CDR2: variants seen among roughly 807,000 people sequenced by gnomAD.
CDR2 encodes the protein cerebellar degeneration-related protein 2.
A neutral mutation model predicts 48.4 loss-of-function variants in CDR2; 34 were observed. The observed-to-expected ratio is 0.70, with a 90% CI of 0.53 to 0.94. The LOEUF is 0.94. Ranked by LOEUF, CDR2 falls within the 40% of genes least tolerant of loss-of-function variation. The pLI, the probability that CDR2 is intolerant of heterozygous loss-of-function variation, is 0.00. For synonymous variants in CDR2, 240 were observed against 219.7 expected (o/e 1.09, Z -0.82); for missense variants, 498 against 549.5 (o/e 0.91, Z 0.94).
Position 22,347,685 on chromosome 16 carries a change from C to A in CDR2, c.645G>T (p.Lys215Asn), listed in dbSNP as rs772671638. Residue 215 changes from lysine to asparagine, a missense_variant, in exon 5 of 5, where the codon AAG (lysine) becomes AAT (asparagine). By Grantham distance (94) the Lys-to-Asn change is moderately conservative. Coordinates refer to ENST00000268383, the MANE Select transcript of CDR2 (RefSeq NM_001802.2). ...LQAQLSLERQ[K>N]RVTMEEEYGL... Reference sequence around the variant, plus strand: ...CATATTCCTCCTCCATAGTCACCCGCTTCTGCCGCTCCAGGCTCAGCTGGG... The same window carrying A: ...CATATTCCTCCTCCATAGTCACCCGATTCTGCCGCTCCAGGCTCAGCTGGG... The A allele has an allele frequency of 6.2e-7, 1 of 1,614,096 alleles. No individual in the cohort carries two copies. Among genetic ancestry groups the A allele is most frequent in the Admixed American group, 1.7e-5 (1 of 60,002 alleles).
At chr16:22,361,846 C>T (rs926565802) in intron 2 of CDR2, among the ~76,000 whole-genome samples, 4 of 151,230 alleles carry the variant, frequency 2.6e-5, no homozygotes, top group African/African-American at 9.7e-5. Flanking sequence ...ATATGTTTCC[C>T]GAAATATTCC....
Position 22,347,149 on chromosome 16 carries a change from G to A in CDR2, c.1181C>T (p.Ala394Val), listed in dbSNP as rs1442960083. 30 of 1,614,116 alleles carry A rather than the reference G, an allele frequency of 1.9e-5. No individual in the cohort carries two copies. The highest frequency in any genetic ancestry group is 2.5e-5 in the Non-Finnish European group (29 of 1,180,022). The change falls in exon 5 of 5, where the codon GCC (alanine) becomes GTC (valine). Residue 394 changes from alanine (A) to valine (V), a missense_variant. By Grantham distance (64) the Ala-to-Val change is moderately conservative. Transcript: ENST00000268383. ...GCCGCTGGCAACAGGCTCAGACTGGGCGTTCACTCCAGTCAGGTCCTTGGC... is the reference window on the plus strand; with the variant it reads ...GCCGCTGGCAACAGGCTCAGACTGGACGTTCACTCCAGTCAGGTCCTTGGC... ...AAAKDLTGVN[A>V]QSEPVASGWE...
At chr16:22,364,221 G>A (rs1299578138) in intron 2 of CDR2, among the ~76,000 whole-genome samples, 1 of 152,030 alleles carries the variant, frequency 6.6e-6, no homozygotes, top group Non-Finnish European at 1.5e-5. Context: ...GAGATTATAG[G>A]CATAAGCCAC....
chr16:22,373,828 GC>G (rs1047979391), intron 1 of CDR2, among the ~76,000 whole-genome samples: 1 of 152,252 alleles, frequency 6.6e-6, no homozygotes, highest in African/African-American at 2.4e-5. Context: ...CTCCACGCTG[GC>G]CATGAAAGGC....
Position 22,367,500 on chromosome 16 carries a change from G to C in CDR2, c.80-2486C>G, listed in dbSNP as rs368263817. Among the ~76,000 whole-genome samples the C allele has an allele frequency of 4.6e-5, 7 of 152,210 alleles. No homozygotes were observed. The East Asian group carries it at 1.2e-3, about 25-fold the overall frequency. On this transcript the variant is annotated intron_variant, in intron 1 of 4. Transcript: ENST00000268383. ...ATATAGGATTTTATAGCCCATGGTA[G>C]GTAAAGTTTAAATTTTATTCTAGGT...
chr16:22,364,084 C>A (rs2049028743), intron 2 of CDR2, among the ~76,000 whole-genome samples: 1 of 152,188 alleles, frequency 6.6e-6, no homozygotes, highest in Non-Finnish European at 1.5e-5. Context: ...GGACTACAGG[C>A]ACACGCCACC....
At chr16:22,372,244 G>A (rs2141856420) in intron 1 of CDR2, among the ~76,000 whole-genome samples, 2 of 152,242 alleles carry the variant, frequency 1.3e-5, no homozygotes, top group Middle Eastern at 3.4e-3. Context: ...AGAATTCCTC[G>A]TGTAACCCTG....
chr16:22,366,051 G>A (rs1036468167), intron 1 of CDR2, among the ~76,000 whole-genome samples: 3 of 152,168 alleles, frequency 2.0e-5, no homozygotes, highest in African/African-American at 4.8e-5. Context: ...GTTGCAATAC[G>A]CACGCAAAGT....
intron 2 of CDR2, among the ~76,000 whole-genome samples, chr16:22,364,491 C>T (rs895367401): frequency 6.6e-6 from 1 of 151,908 alleles, no homozygotes; most frequent in African/African-American, 2.4e-5. Flanking sequence ...TGTGGGCAGT[C>T]TTCTTTTTTA....
Position 22,349,350 on chromosome 16 carries a change from G to A in CDR2, c.435C>T (p.Ser145=), listed in dbSNP as rs1457699322. The change falls in exon 4 of 5, where the codon AGC becomes AGT. Residue 145 remains serine (S), a synonymous_variant. Coordinates refer to ENST00000268383, the MANE Select transcript of CDR2 (RefSeq NM_001802.2). The part of the protein sequence containing the change: ...ELKSSGQGRR[S]PGKCDQEKPA... ...GTTTCTCCTGGTCACACTTTCCCGG[G>A]CTCCTTCTCCCTTGGCCAGATGACT... The A allele has an allele frequency of 6.2e-7, 1 of 1,614,118 alleles. No homozygotes were observed. Among genetic ancestry groups the A allele is most frequent in the Admixed American group, 1.7e-5 (1 of 60,012 alleles).
chr16:22,355,716 A>AT (rs898742675), intron 2 of CDR2, among the ~76,000 whole-genome samples: 2 of 152,216 alleles, frequency 1.3e-5, no homozygotes, highest in Admixed American at 6.5e-5. Context: ...TTTAGCCAGC[A>AT]TAAGGGACTT....
chr16:22,371,012 A>G (rs2049072021), intron 1 of CDR2, among the ~76,000 whole-genome samples: 1 of 152,156 alleles, frequency 6.6e-6, no homozygotes, highest in African/African-American at 2.4e-5. Flanking sequence ...GGAGATTGAG[A>G]CCATCCTGGC....
chr16:22,362,104 C>T (rs1318789620), intron 2 of CDR2, among the ~76,000 whole-genome samples: 3 of 151,840 alleles, frequency 2.0e-5, no homozygotes, highest in Admixed American at 6.6e-5. Flanking sequence ...GGTTTCACCA[C>T]GTTAGCCAGG....
intron 2 of CDR2, among the ~76,000 whole-genome samples, chr16:22,350,888 A>C (rs1402857688): frequency 1.3e-5 from 2 of 152,212 alleles, no homozygotes. Flanking sequence ...ATTTTTAAAA[A>C]AAATTATACT....
intron 2 of CDR2, among the ~76,000 whole-genome samples, chr16:22,363,945 A>T (rs897681107): frequency 2.6e-5 from 4 of 151,716 alleles, no homozygotes; most frequent in African/African-American, 4.8e-5. Flanking sequence ...TATTATTATT[A>T]TTTTTTTATT....
chr16:22,368,351 A>C (rs1266931103), intron 1 of CDR2, among the ~76,000 whole-genome samples: 1 of 152,114 alleles, frequency 6.6e-6, no homozygotes, highest in Admixed American at 6.6e-5. Flanking sequence ...CTGGGATTAC[A>C]GGCACCCACC....
At chr16:22,369,265 G>A (rs1406618746) in intron 1 of CDR2, among the ~76,000 whole-genome samples, 8 of 143,600 alleles carry the variant, frequency 5.6e-5, no homozygotes, top group Non-Finnish European at 1.2e-4. Context: ...GGGCAACATA[G>A]CAAGACCTTG....
intron 1 of CDR2, 92 bp from the exon 2 acceptor site, chr16:22,365,106 A>C: frequency 1.2e-6 from 1 of 827,388 alleles, no homozygotes; most frequent in East Asian, 2.6e-5. Flanking sequence ...ATGTAGTTTA[A>C]GTCACATCCC....
intron 2 of CDR2, among the ~76,000 whole-genome samples, chr16:22,363,283 T>C (rs1204773657): frequency 6.6e-6 from 1 of 152,202 alleles, no homozygotes; most frequent in Non-Finnish European, 1.5e-5. Context: ...AAACATATTG[T>C]ACGCTCTTTT....
Sources: gnomAD v4.1 joint callset for allele counts (sites outside exome capture counted in the v4.1 genomes callset) on GRCh38, gnomAD v4.1.1 for gene constraint, MANE v1.5 for transcripts, NCBI Gene and HGNC (gene_info 2026-07-23, HGNC 2026-07-21) for gene names.